The following CDH18 variants were observed in gnomAD, a reference collection of about 807,000 sequenced individuals.
CDH18 encodes cadherin-18.
CDH18 carries 31 observed loss-of-function variants against 67.9 expected under a neutral mutation model. The ratio of observed to expected loss-of-function variants is 0.46; its 90% CI spans 0.34 to 0.62. The LOEUF (loss-of-function observed/expected upper bound fraction) is 0.62, where lower values mean the gene tolerates loss of function less well. Among genes scored for constraint, CDH18 ranks in the 20% least tolerant of loss-of-function variants. CDH18 has a pLI of 0.01. For missense variants in CDH18, 890 were observed against 975.5 expected (o/e 0.91, Z 1.17); for synonymous variants, 362 against 347.2 (o/e 1.04, Z -0.48).
At chr5:20,146,891 T>C (rs945836877) in intron 2 of CDH18, among the ~76,000 whole-genome samples, 5 of 152,042 alleles carry the variant, frequency 3.3e-5, no homozygotes, top group Non-Finnish European at 7.4e-5. Context: ...CATTTCTACA[T>C]CTTAGGCATT....
intron 5 of CDH18, among the ~76,000 whole-genome samples, chr5:19,643,440 A>G (rs1257377444): frequency 2.0e-5 from 3 of 152,190 alleles, no homozygotes; most frequent in African/African-American, 4.8e-5. Context: ...CTAAATATCT[A>G]TTGATAGATC....
At chr5:20,334,977 G>A (rs1739590780) in intron 1 of CDH18, among the ~76,000 whole-genome samples, 1 of 152,082 alleles carries the variant, frequency 6.6e-6, no homozygotes, top group Non-Finnish European at 1.5e-5. Flanking sequence ...TGCCTCCATT[G>A]CTTCTCAACT....
At chr5:19,570,346 C>A (rs1309576966) in intron 8 of CDH18, among the ~76,000 whole-genome samples, 6 of 152,110 alleles carry the variant, frequency 3.9e-5, no homozygotes, top group Non-Finnish European at 8.8e-5. Context: ...CTAGCTCTTG[C>A]TGTTAGTGTG....
chr5:19,876,416 G>A (rs1365433817), intron 2 of CDH18, among the ~76,000 whole-genome samples: 1 of 152,064 alleles, frequency 6.6e-6, no homozygotes, highest in African/African-American at 2.4e-5. Context: ...CAACTAGATG[G>A]TTTATAAACA....
intron 1 of CDH18, among the ~76,000 whole-genome samples, chr5:20,565,243 T>C (rs1433504724): frequency 6.6e-6 from 1 of 152,102 alleles, no homozygotes; most frequent in Non-Finnish European, 1.5e-5. Context: ...TGATTTTTCA[T>C]TATGGGAACT....
At chr5:19,516,801 G>A (rs1306868640) in intron 10 of CDH18, among the ~76,000 whole-genome samples, 1 of 151,172 alleles carries the variant, frequency 6.6e-6, no homozygotes, top group Non-Finnish European at 1.5e-5. Context: ...AAAAAAACAA[G>A]CTCCTGGATT....
intron 1 of CDH18, among the ~76,000 whole-genome samples, chr5:20,422,189 CT>C (rs1172482262): frequency 6.8e-6 from 1 of 146,990 alleles, no homozygotes; most frequent in Non-Finnish European, 1.5e-5. Context: ...TATAGTCAAA[CT>C]TGATGAAAAA....
At chr5:20,502,548 G>T (rs771002469) in intron 1 of CDH18, among the ~76,000 whole-genome samples, 1 of 152,144 alleles carries the variant, frequency 6.6e-6, no homozygotes, top group Non-Finnish European at 1.5e-5. Context: ...ATAAACACTT[G>T]CTTGTAATAG....
chr5:19,634,678 T>C (rs534820058), intron 5 of CDH18, among the ~76,000 whole-genome samples: 10 of 152,218 alleles, frequency 6.6e-5, no homozygotes, highest in Admixed American at 1.3e-4. Flanking sequence ...GGCTCATGCA[T>C]GTAATCCCAG....
At chr5:20,189,152 T>A (rs1480707809) in intron 2 of CDH18, among the ~76,000 whole-genome samples, 6 of 152,092 alleles carry the variant, frequency 3.9e-5, no homozygotes, top group Non-Finnish European at 7.4e-5. Flanking sequence ...AATTTTCAAG[T>A]CACTTTGCCT....
intron 1 of CDH18, among the ~76,000 whole-genome samples, chr5:20,390,742 G>A (rs1470561794): frequency 6.6e-6 from 1 of 152,122 alleles, no homozygotes; most frequent in African/African-American, 2.4e-5. Context: ...TAACCCAAAT[G>A]TCCATCAATG....
chr5:20,574,700 C>T (rs1759019901), intron 1 of CDH18, among the ~76,000 whole-genome samples: 1 of 152,068 alleles, frequency 6.6e-6, no homozygotes, highest in Admixed American at 6.6e-5. Context: ...CTCTATTCTT[C>T]CCAGCAGAGG....
chr5:20,371,852 G>T (rs184526327), intron 1 of CDH18, among the ~76,000 whole-genome samples: 1 of 152,316 alleles, frequency 6.6e-6, no homozygotes, highest in Admixed American at 6.5e-5. Flanking sequence ...GAACAATGCA[G>T]GGAGAGGTGC....
At chr5:19,522,986 C>T (rs1366403297) in intron 9 of CDH18, among the ~76,000 whole-genome samples, 1 of 149,906 alleles carries the variant, frequency 6.7e-6, no homozygotes, top group East Asian at 1.9e-4. Flanking sequence ...CAGGGATAGA[C>T]AAACAGAACA....
intron 2 of CDH18, among the ~76,000 whole-genome samples, chr5:20,021,897 G>C (rs941962485): frequency 2.6e-5 from 4 of 152,120 alleles, no homozygotes; most frequent in Non-Finnish European, 4.4e-5. Context: ...CTTTCAATGA[G>C]CAGAAGCCAT....
At chr5:19,990,628 C>A (rs1182599992), upstream of CDH18, among the ~76,000 whole-genome samples, 1 of 152,306 alleles carries the variant, frequency 6.6e-6, no homozygotes, top group East Asian at 1.9e-4. Flanking sequence ...TCTCCACAAT[C>A]CCAATGATGC....
intron 1 of CDH18, among the ~76,000 whole-genome samples, chr5:20,357,514 T>A (rs999517812): frequency 2.0e-5 from 3 of 152,048 alleles, no homozygotes; most frequent in Admixed American, 1.3e-4. Context: ...AAACAAACAC[T>A]TCTCAAAACA....
chr5:20,011,572 G>A (rs1382455206), intron 2 of CDH18, among the ~76,000 whole-genome samples: 3 of 152,046 alleles, frequency 2.0e-5, no homozygotes, highest in African/African-American at 7.2e-5. Flanking sequence ...GATTATTCAG[G>A]ATGATATTGG....
intron 1 of CDH18, among the ~76,000 whole-genome samples, chr5:20,294,260 C>A (rs890992797): frequency 6.6e-6 from 1 of 152,100 alleles, no homozygotes; most frequent in African/African-American, 2.4e-5. Context: ...AACCAACAGC[C>A]CATAAAAGGT....
Sources: allele counts gnomAD v4.1 joint callset (sites outside exome capture counted in the v4.1 genomes callset), GRCh38; gene constraint gnomAD v4.1.1; transcripts MANE v1.5; gene names NCBI Gene and HGNC (gene_info 2026-07-23, HGNC 2026-07-21).